APAF1: variants seen among roughly 807,000 people sequenced by gnomAD.
The protein encoded by APAF1 is apoptotic protease-activating factor 1.
APAF1 carries 91 observed loss-of-function variants against 152.4 expected under a neutral mutation model. The observed-to-expected ratio is 0.60, with a 90% CI of 0.50 to 0.71. The LOEUF is 0.71. Ranked by LOEUF, APAF1 falls within the 30% of genes least tolerant of loss-of-function variation. The pLI, the probability that APAF1 is intolerant of heterozygous loss-of-function variation, is 0.00. For synonymous variants in APAF1, 484 were observed against 494.1 expected (o/e 0.98, Z 0.27); for missense variants, 1,283 against 1,472.0 (o/e 0.87, Z 2.10).
At chr12:98,656,025 C>T (rs1036404327) in intron 4 of APAF1, among the ~76,000 whole-genome samples, 30 of 152,202 alleles carry the variant, frequency 2.0e-4, no homozygotes, top group African/African-American at 6.7e-4. Flanking sequence ...CCTTGTGATC[C>T]GCCCACCTCG....
intron 7 of APAF1, among the ~76,000 whole-genome samples, chr12:98,664,353 A>G (rs1306378947): frequency 1.3e-5 from 2 of 152,156 alleles, no homozygotes; most frequent in African/African-American, 2.4e-5. Flanking sequence ...TACACTTAGA[A>G]AAAATGCTTA....
At chr12:98,713,722 T>TGG (rs1240920574) in intron 21 of APAF1, among the ~76,000 whole-genome samples, 2 of 152,224 alleles carry the variant, frequency 1.3e-5, no homozygotes, top group African/African-American at 2.4e-5. Context: ...ACCAGGTGTC[T>TGG]GGGAATTATT....
At chr12:98,668,713 A>G (rs573843831) in intron 10 of APAF1, among the ~76,000 whole-genome samples, 1 of 152,198 alleles carries the variant, frequency 6.6e-6, no homozygotes, top group Non-Finnish European at 1.5e-5. Context: ...AACGGAGTCC[A>G]TGAACTGAAA....
chr12:98,722,665 C>T (rs1229550165), intron 22 of APAF1, among the ~76,000 whole-genome samples: 1 of 152,154 alleles, frequency 6.6e-6, no homozygotes, highest in East Asian at 1.9e-4. Context: ...AAAAACAATG[C>T]CTTCTCACTT....
At position 98,693,956 on chromosome 12, in the gene APAF1, TC is replaced by T. The variant is rs201743914; in HGVS notation, c.2305-5450del. Among the ~76,000 whole-genome samples, 470 of 152,282 alleles carry T rather than the reference TC, an allele frequency of 3.1e-3. 4 individuals are homozygous for T. Among genetic ancestry groups the T allele is most frequent in the African/African-American group, 0.011 (451 of 41,560 alleles). On this transcript the variant is annotated intron_variant, in intron 16 of 26. Transcript: ENST00000551964. ...TTTTCACTTGCTGATTTGCTTGAGTTCCTTATGAATTCTGGATATTAGACCT... is the reference window on the plus strand; with the variant it reads ...TTTTCACTTGCTGATTTGCTTGAGTTCTTATGAATTCTGGATATTAGACCT...
chr12:98,660,637 C>T (rs953424394), intron 5 of APAF1, among the ~76,000 whole-genome samples: 1 of 152,190 alleles, frequency 6.6e-6, no homozygotes, highest in Non-Finnish European at 1.5e-5. Flanking sequence ...TTTCTGTCAT[C>T]TTAACAGCCT....
chr12:98,719,622 G>A (rs2097739595), intron 22 of APAF1, among the ~76,000 whole-genome samples: 1 of 151,962 alleles, frequency 6.6e-6, no homozygotes, highest in Non-Finnish European at 1.5e-5. Context: ...AAAGTGCTGG[G>A]ATTACAAGCG....
In APAF1 at chr12:98,659,300, G is replaced by T. The variant is rs1188121391; in HGVS notation, c.667G>T (p.Ala223Ser). 3.0e-5 allele frequency: 49 copies of T among 1,614,084 alleles called. No individual in the cohort carries two copies. Among genetic ancestry groups the T allele is most frequent in the Non-Finnish European group, 4.0e-5 (47 of 1,180,046 alleles). Residue 223 changes from alanine (A) to serine (S), a missense_variant, in exon 5 of 27, where the codon GCT becomes TCT. Transcript: ENST00000551964. Reference protein sequence around the residue: ...SQRLPLNIEEAKDRLRILMLR... With the variant: ...SQRLPLNIEESKDRLRILMLR... ...GAGGCTTCCACTTAATATTGAAGAG[G>T]CTAAAGACCGTCTCCGCATTCTGAT... is the stretch of plus-strand genomic sequence containing the variant.
chr12:98,727,141 C>CT (rs778622726), intron 25 of APAF1, 32 bp from the exon 26 acceptor site: 1 of 1,610,440 alleles, frequency 6.2e-7, no homozygotes, highest in South Asian at 1.1e-5. Flanking sequence ...CTGGATAACT[C>CT]TGTTAATGAA....
At chr12:98,662,374 A>T (rs2097666637) in intron 5 of APAF1, 82 bp from the exon 6 acceptor site, 2 of 1,065,300 alleles carry the variant, frequency 1.9e-6, no homozygotes, top group East Asian at 2.5e-5. Flanking sequence ...GGTAGATTTT[A>T]AAAGACACTG....
intron 15 of APAF1, among the ~76,000 whole-genome samples, chr12:98,686,355 A>G (rs2097698043): frequency 6.6e-6 from 1 of 152,224 alleles, no homozygotes; most frequent in Non-Finnish European, 1.5e-5. Flanking sequence ...CACCATTTTT[A>G]GGGTTGGATA....
intron 4 of APAF1, among the ~76,000 whole-genome samples, chr12:98,650,037 C>T (rs1396264891): frequency 1.3e-5 from 2 of 152,074 alleles, no homozygotes; most frequent in Non-Finnish European, 2.9e-5. Context: ...CTGACCTTAG[C>T]GATCCTGGTA....
intron 12 of APAF1, among the ~76,000 whole-genome samples, chr12:98,676,154 T>C (rs1467302090): frequency 6.6e-6 from 1 of 152,210 alleles, no homozygotes; most frequent in Non-Finnish European, 1.5e-5. Context: ...TATGAAATTC[T>C]GTCACTGCAC....
At chr12:98,716,840 ATCTTTCT>A (rs2097735291) in intron 22 of APAF1, among the ~76,000 whole-genome samples, 1 of 151,512 alleles carries the variant, frequency 6.6e-6, no homozygotes, top group Non-Finnish European at 1.5e-5. Context: ...TCCACATTTC[ATCTTTCT>A]ATAGTGTGCT....
rs1383112766 is a variant in APAF1 at position 98,671,096 on chromosome 12, T to G, written c.1608+10T>G. ...TATACTAGATGAAAAGGTATATATA[T>G]TAACATGAAAAATTAGTGCTAAAAA... On this transcript the variant is annotated intron_variant, in intron 11 of 26. Coordinates refer to ENST00000551964, the MANE Select transcript of APAF1 (RefSeq NM_181861.2). The G allele has an allele frequency of 6.7e-7, 1 of 1,499,778 alleles. No homozygotes were observed. The highest frequency in any genetic ancestry group is 9.3e-7 in the Non-Finnish European group (1 of 1,080,396). The allele number at this position is 1,499,778 out of a possible 1,614,324, so 92.9% of individuals were successfully genotyped here.
intron 1 of APAF1, among the ~76,000 whole-genome samples, chr12:98,647,706 T>C (rs774566477): frequency 2.7e-5 from 2 of 73,426 alleles, no homozygotes; most frequent in Non-Finnish European, 5.8e-5. Context: ...CATGTTTCTG[T>C]TTTTTTTTTT....
Position 98,649,530 on chromosome 12 carries a change from T to C in APAF1, c.372T>C (p.Val124=). The stretch of plus-strand genomic sequence containing the variant: ...AAGGTGGAGTACCACAGAGGCCAGT[T>C]GTTTTTGTCACAAGGAAGAAGCTGG... ...LCEGGVPQRP[V]VFVTRKKLVN... Residue 124 remains valine (V), a synonymous_variant, in exon 4 of 27, where the codon GTT becomes GTC. Transcript: ENST00000551964. The C allele has an allele frequency of 6.2e-7, 1 of 1,614,224 alleles. No individual in the cohort carries two copies. Among genetic ancestry groups the C allele is most frequent in the Non-Finnish European group, 8.5e-7 (1 of 1,180,036 alleles).
In APAF1 at chr12:98,708,584, G is replaced by T. The variant is rs1234212524; in HGVS notation, c.2722-1G>T. 1 of 1,612,586 alleles carries T rather than the reference G, an allele frequency of 6.2e-7. No homozygotes were observed. The highest frequency in any genetic ancestry group is 8.5e-7 in the Non-Finnish European group (1 of 1,179,204). ...TGATAATTTCTTTATCTCTTAATCA[G>T]CTCTGGGAGACAAAGAAAGTATGTA... is the stretch of plus-strand genomic sequence containing the variant. On this transcript the variant is annotated splice_acceptor_variant, in intron 19 of 26. Transcript: ENST00000551964. LOFTEE classifies it high-confidence loss of function.
intron 18 of APAF1, among the ~76,000 whole-genome samples, chr12:98,706,104 T>C (rs1209403581): frequency 2.0e-5 from 3 of 152,210 alleles, no homozygotes; most frequent in African/African-American, 4.8e-5. Flanking sequence ...TTCCATCTCA[T>C]ATAAAAGATA....
Sources: gnomAD v4.1 joint callset for allele counts (sites outside exome capture counted in the v4.1 genomes callset) on GRCh38, gnomAD v4.1.1 for gene constraint, MANE v1.5 for transcripts, NCBI Gene and HGNC (gene_info 2026-07-23, HGNC 2026-07-21) for gene names.